The following BMPER variants were observed in gnomAD, a reference collection of about 807,000 sequenced individuals.
The protein encoded by BMPER is BMP binding endothelial regulator.
A neutral mutation model predicts 87.3 loss-of-function variants in BMPER; 45 were observed. The ratio of observed to expected loss-of-function variants is 0.52; its 90% CI spans 0.41 to 0.66. BMPER has a LOEUF of 0.66. Among genes scored for constraint, BMPER ranks in the 30% least tolerant of loss-of-function variants. The pLI, the probability that BMPER is intolerant of heterozygous loss-of-function variation, is 0.00. For missense variants in BMPER, 784 were observed against 867.5 expected, an observed-to-expected ratio of 0.90 and a Z score of 1.21; for synonymous variants, 326 against 316.2, an observed-to-expected ratio of 1.03 and a Z score of -0.33.
At chr7:33,966,712 C>A in intron 4 of BMPER, 151 bp downstream of exon 4, 1 of 727,144 alleles carries the variant, frequency 1.4e-6, no homozygotes, top group Non-Finnish European at 2.3e-6. Flanking sequence ...TGTGTACTTA[C>A]TGTGTCACCA....
intron 7 of BMPER, among the ~76,000 whole-genome samples, chr7:34,050,654 A>G (rs1221770346): frequency 6.6e-6 from 1 of 152,188 alleles, no homozygotes; most frequent in Admixed American, 6.5e-5. Context: ...ACGAATAGAA[A>G]TTTGATCAGT....
intron 6 of BMPER, among the ~76,000 whole-genome samples, chr7:34,043,927 C>T (rs1787894215): frequency 6.6e-6 from 1 of 152,180 alleles, no homozygotes; most frequent in East Asian, 1.9e-4. Flanking sequence ...ACTCTCTTAG[C>T]CTATAGCATA....
intron 11 of BMPER, among the ~76,000 whole-genome samples, chr7:34,063,185 G>A (rs1788486543): frequency 6.6e-6 from 1 of 152,202 alleles, no homozygotes; most frequent in Non-Finnish European, 1.5e-5. Flanking sequence ...AAGTCATAAA[G>A]TCTATCAGTG....
At chr7:33,945,150 C>T (rs1377954851) in intron 3 of BMPER, among the ~76,000 whole-genome samples, 3 of 151,950 alleles carry the variant, frequency 2.0e-5, no homozygotes, top group Non-Finnish European at 4.4e-5. Flanking sequence ...ACCGTGTTAG[C>T]CAGGATCGTC....
At chr7:34,058,196 G>C in intron 10 of BMPER, 33 bp downstream of exon 10, 1 of 1,589,496 alleles carries the variant, frequency 6.3e-7, no homozygotes, top group Non-Finnish European at 8.6e-7. Context: ...CTTTACCTTA[G>C]CGTCTTGAGA....
At chr7:34,084,948 A>G (rs1789159067) in intron 12 of BMPER, among the ~76,000 whole-genome samples, 1 of 152,264 alleles carries the variant, frequency 6.6e-6, no homozygotes, top group Non-Finnish European at 1.5e-5. Context: ...TGGAGTAAAG[A>G]GAATTTCCTT....
intron 3 of BMPER, among the ~76,000 whole-genome samples, chr7:33,959,578 TAG>T (rs1049178470): frequency 3.0e-4 from 46 of 152,274 alleles, no homozygotes; most frequent in Admixed American, 1.6e-3. Context: ...CTCCCATATT[TAG>T]AAGTGTTTAT....
At chr7:33,982,967 CATA>C (rs1785903729) in intron 6 of BMPER, among the ~76,000 whole-genome samples, 1 of 152,096 alleles carries the variant, frequency 6.6e-6, no homozygotes, top group South Asian at 2.1e-4. Context: ...GGGAAAATTT[CATA>C]ATATGTTAGT....
chr7:34,129,638 AAG>A (rs1343734735), intron 13 of BMPER, among the ~76,000 whole-genome samples: 2 of 120,620 alleles, frequency 1.7e-5, no homozygotes, highest in Non-Finnish European at 3.5e-5. Context: ...GAGAGAAAGA[AAG>A]AAAGAAAGAA....
chr7:34,146,235 G>A (rs894317109), intron 14 of BMPER, among the ~76,000 whole-genome samples: 7 of 152,030 alleles, frequency 4.6e-5, no homozygotes, highest in Non-Finnish European at 8.8e-5. Context: ...GACTCACGAC[G>A]GCACTTGAGG....
chr7:34,150,409 G>A (rs1791141087), intron 14 of BMPER, among the ~76,000 whole-genome samples: 2 of 152,084 alleles, frequency 1.3e-5, no homozygotes, highest in African/African-American at 4.8e-5. Flanking sequence ...ACCTTGAGGT[G>A]TCCTAATGTA....
At chr7:34,084,267 C>T (rs1350079774) in intron 12 of BMPER, among the ~76,000 whole-genome samples, 1 of 152,218 alleles carries the variant, frequency 6.6e-6, no homozygotes, top group Non-Finnish European at 1.5e-5. Context: ...CACCACTGCA[C>T]TCCAGCCTGG....
At chr7:33,993,389 C>T (rs1267985745) in intron 6 of BMPER, among the ~76,000 whole-genome samples, 1 of 152,218 alleles carries the variant, frequency 6.6e-6, no homozygotes, top group African/African-American at 2.4e-5. Flanking sequence ...CACTGATACC[C>T]TTTCTTCCAG....
chr7:33,968,017 T>C (rs1785445612), intron 4 of BMPER, among the ~76,000 whole-genome samples: 1 of 152,210 alleles, frequency 6.6e-6, no homozygotes, highest in East Asian at 1.9e-4. Flanking sequence ...CCATTATCCA[T>C]TGTTAACCCT....
chr7:33,939,985 T>C, intron 3 of BMPER: 1 of 298,454 alleles, frequency 3.4e-6, no homozygotes, highest in Non-Finnish European at 7.8e-6. Context: ...GACACAGTCC[T>C]GTTCACTCTT....
At chr7:33,919,618 A>G (rs1040406618) in intron 2 of BMPER, among the ~76,000 whole-genome samples, 6 of 152,214 alleles carry the variant, frequency 3.9e-5, no homozygotes, top group African/African-American at 1.2e-4. Context: ...GCATTGCAGG[A>G]CTGGAGTAGG....
intron 3 of BMPER, among the ~76,000 whole-genome samples, chr7:33,941,130 A>AT (rs1042667023): frequency 7.3e-6 from 1 of 137,726 alleles, no homozygotes; most frequent in Non-Finnish European, 1.5e-5. Context: ...TATATTATAT[A>AT]TTTATATGTA....
intron 14 of BMPER, among the ~76,000 whole-genome samples, chr7:34,148,613 T>C (rs1040762864): frequency 2.6e-5 from 4 of 152,206 alleles, no homozygotes; most frequent in Admixed American, 6.5e-5. Flanking sequence ...AGATTTCTTT[T>C]TTTTTCTCTA....
chr7:34,081,137 C>T (rs1344251193), intron 12 of BMPER, among the ~76,000 whole-genome samples: 1 of 152,186 alleles, frequency 6.6e-6, no homozygotes, highest in Admixed American at 6.5e-5. Flanking sequence ...GGGCATTGAA[C>T]TTACTTTACA....
Sources: gnomAD v4.1 joint callset for allele counts (sites outside exome capture counted in the v4.1 genomes callset) on GRCh38, gnomAD v4.1.1 for gene constraint, MANE v1.5 for transcripts, NCBI Gene and HGNC (gene_info 2026-07-23, HGNC 2026-07-21) for gene names.